Variants in GBA1 observed in about 807,000 individuals in gnomAD.
GBA1 encodes the protein glucosylceramidase beta 1, also known as lysosomal acid glucosylceramidase.
chr1:155,240,250 G>A, the GBA1 span: 1 of 636,618 alleles, frequency 1.6e-6, no homozygotes, highest in Non-Finnish European at 2.8e-6. Context: ...GATCACCTGA[G>A]GTGAGGAGTT....
chr1:155,239,680 G>C, the GBA1 span: 9 of 1,614,202 alleles, frequency 5.6e-6, no homozygotes, highest in Non-Finnish European at 7.6e-6. Flanking sequence ...CAAGGATGTT[G>C]AGAGCAGCAG....
chr1:155,240,258 G>T, the GBA1 span: 1 of 623,752 alleles, frequency 1.6e-6, no homozygotes, highest in Non-Finnish European at 2.8e-6. Context: ...GAGGTGAGGA[G>T]TTTGAGACCT....
the GBA1 span, chr1:155,240,703 A>C: frequency 6.2e-7 from 1 of 1,613,496 alleles, no homozygotes; most frequent in Admixed American, 1.7e-5. Context: ...CCCTACTCAA[A>C]GGCTTGGGAC....
At chr1:155,237,207 G>A in the GBA1 span, 5 of 1,508,990 alleles carry the variant, frequency 3.3e-6, no homozygotes, top group South Asian at 4.9e-5. Flanking sequence ...GGGATCCATG[G>A]CACCCTGGAG....
At chr1:155,240,159 G>A in the GBA1 span, 20 of 1,373,268 alleles carry the variant, frequency 1.5e-5, no homozygotes, top group South Asian at 1.2e-5. Context: ...GACTGAACAC[G>A]GTTTCAAAAT....
chr1:155,240,124 G>C, the GBA1 span: 2 of 1,538,278 alleles, frequency 1.3e-6, no homozygotes, highest in East Asian at 2.2e-5. Context: ...TGAAGACATG[G>C]AGAATGGACA....
At chr1:155,236,225 G>A in the GBA1 span, 18 of 1,600,328 alleles carry the variant, frequency 1.1e-5, no homozygotes, top group Admixed American at 1.3e-4. Context: ...TTTGCAGGAA[G>A]GGAGACTGGG....
the GBA1 span, chr1:155,235,798 A>G: frequency 6.2e-7 from 1 of 1,614,252 alleles, no homozygotes; most frequent in Non-Finnish European, 8.5e-7. Flanking sequence ...TTCGGGGTTC[A>G]GGGCAAGGTT....
At chr1:155,235,601 G>A in the GBA1 span, 10 of 1,409,160 alleles carry the variant, frequency 7.1e-6, no homozygotes, top group East Asian at 2.5e-5. Flanking sequence ...CTGCTCCCTC[G>A]TGGTGTAGAG....
the GBA1 span, among the ~76,000 whole-genome samples, chr1:155,242,510 C>T: frequency 6.6e-6 from 1 of 152,014 alleles, no homozygotes; most frequent in Non-Finnish European, 1.5e-5. Context: ...GCATGAGCCA[C>T]TGCGCTGGAC....
At chr1:155,235,824 G>A in the GBA1 span, 16 of 1,614,088 alleles carry the variant, frequency 9.9e-6, no homozygotes, top group African/African-American at 1.3e-5. Flanking sequence ...CGGTCCAGCC[G>A]ACCACATGGT....
chr1:155,236,759 G>A, the GBA1 span, among the ~76,000 whole-genome samples: 1 of 151,194 alleles, frequency 6.6e-6, no homozygotes, highest in Non-Finnish European at 1.5e-5. Context: ...ATTTGTGTGT[G>A]TATGTGTGTG....
At chr1:155,238,234 G>T in the GBA1 span, 15 of 1,613,884 alleles carry the variant, frequency 9.3e-6, no homozygotes, top group Non-Finnish European at 1.3e-5. Context: ...AGCCAAGTGG[G>T]TGATGTCCAG....
At chr1:155,239,807 A>T in the GBA1 span, 3 of 1,614,102 alleles carry the variant, frequency 1.9e-6, no homozygotes, top group Non-Finnish European at 2.5e-6. Flanking sequence ...CCCAGCGGGA[A>T]ACTCCATGGT....
chr1:155,238,559 C>T, the GBA1 span: 348 of 1,613,482 alleles, frequency 2.2e-4, 3 homozygotes, highest in South Asian at 3.3e-3. Context: ...AGTTGTGCAA[C>T]TGGAAATCAT....
the GBA1 span, among the ~76,000 whole-genome samples, chr1:155,236,872 T>C: frequency 6.6e-6 from 1 of 152,082 alleles, no homozygotes. Flanking sequence ...AGTTTTGTTT[T>C]GTTTTGTTTC....
the GBA1 span, chr1:155,237,320 C>G: frequency 1.9e-6 from 3 of 1,613,858 alleles, no homozygotes; most frequent in Admixed American, 5.0e-5. Flanking sequence ...CACTGGAGCA[C>G]CATGGAGGTC....
the GBA1 span, among the ~76,000 whole-genome samples, chr1:155,242,275 T>C: frequency 6.6e-6 from 1 of 152,326 alleles, no homozygotes; most frequent in South Asian, 2.1e-4. Flanking sequence ...CAGGCTGGAG[T>C]GCAGTGGCGT....
chr1:155,242,283 C>T, the GBA1 span, among the ~76,000 whole-genome samples: 14 of 149,782 alleles, frequency 9.3e-5, no homozygotes, highest in Non-Finnish European at 1.6e-4. Context: ...AGTGCAGTGG[C>T]GTGATCTTGG....
Sources: gnomAD v4.1 joint callset for allele counts (sites outside exome capture counted in the v4.1 genomes callset) on GRCh38, gnomAD v4.1.1 for gene constraint, MANE v1.5 for transcripts, NCBI Gene and HGNC (gene_info 2026-07-23, HGNC 2026-07-21) for gene names.